PCDHA9: variants seen among roughly 807,000 people sequenced by gnomAD.
The protein encoded by PCDHA9 is protocadherin alpha 9.
Under a neutral mutation model 62.0 loss-of-function variants are expected in PCDHA9, and 62 were observed. The ratio of observed to expected loss-of-function variants is 1.00; its 90% CI spans 0.81 to 1.23. The LOEUF (loss-of-function observed/expected upper bound fraction) is 1.23. Ranked by LOEUF, PCDHA9 falls within the 50% of genes most tolerant of loss-of-function variation. The probability of loss-of-function intolerance (pLI) is 0.00; values close to 1 mark genes in which losing one functional copy is unlikely to be tolerated. For synonymous variants in PCDHA9, 557 were observed against 567.6 expected, an observed-to-expected ratio of 0.98 and a Z score of 0.27; for missense variants, 1,205 against 1,249.8, an observed-to-expected ratio of 0.96 and a Z score of 0.54.
chr5:140,883,231 G>A, intron 1 of PCDHA9: 1 of 1,613,930 alleles, frequency 6.2e-7, no homozygotes, highest in Non-Finnish European at 8.5e-7. Context: ...TATCCGTGGA[G>A]GCAGTTGACA....
At chr5:140,936,662 CT>C (rs1337986057) in intron 1 of PCDHA9, among the ~76,000 whole-genome samples, 1 of 152,178 alleles carries the variant, frequency 6.6e-6, no homozygotes, top group Non-Finnish European at 1.5e-5. Context: ...TATTCTGTTT[CT>C]GGACTGTCTA....
chr5:140,926,505 TC>T, intron 1 of PCDHA9: 1 of 190,688 alleles, frequency 5.2e-6, no homozygotes. Flanking sequence ...TCGGGGCGTC[TC>T]CCAGGCTCCG....
intron 1 of PCDHA9, chr5:140,871,045 G>C: frequency 6.2e-7 from 1 of 1,613,386 alleles, no homozygotes; most frequent in African/African-American, 1.3e-5. Context: ...CCGACTTCTA[G>C]TACTGGTGAA....
intron 1 of PCDHA9, among the ~76,000 whole-genome samples, chr5:140,934,289 T>C (rs1584800076): frequency 6.6e-6 from 1 of 152,138 alleles, no homozygotes; most frequent in East Asian, 1.9e-4. Flanking sequence ...AGGGCATTCT[T>C]ACTGGTATTT....
rs1220718510 is a variant in PCDHA9, at chr5:140,898,104, A to T, written c.2394+47215A>T. 2.0e-5 allele frequency among the ~76,000 whole-genome samples: 3 copies of T among 152,110 alleles called. No individual in the cohort carries two copies. In the South Asian group the frequency reaches 6.2e-4, roughly 32 times the overall value. On this transcript the variant is annotated intron_variant, in intron 1 of 3. Coordinates refer to ENST00000532602, the MANE Select transcript of PCDHA9 (RefSeq NM_031857.2). Reference sequence around the variant, plus strand: ...CTGGATATTAGCCCTTTGTCAGATGAGTAGGTTGCGAAAATTTTCTCCCAT... The same window carrying T: ...CTGGATATTAGCCCTTTGTCAGATGTGTAGGTTGCGAAAATTTTCTCCCAT...
Position 140,874,495 on chromosome 5 carries a change from G to A in PCDHA9, c.2394+23606G>A, listed in dbSNP as rs532074473. 2.0e-5 allele frequency among the ~76,000 whole-genome samples: 3 copies of A among 152,336 alleles called. No homozygotes were observed. The South Asian group carries it at 6.2e-4, about 32-fold the overall frequency. ...AGAAAAAGCAAAAGGTTGATATCAAGTTCACATTCTCTTGACTTTAGTCAA... is the reference window on the plus strand; with the variant it reads ...AGAAAAAGCAAAAGGTTGATATCAAATTCACATTCTCTTGACTTTAGTCAA... On this transcript the variant is annotated intron_variant, in intron 1 of 3. Coordinates refer to ENST00000532602, the MANE Select transcript of PCDHA9 (RefSeq NM_031857.2).
rs1169646324 is a variant in PCDHA9 at position 141,011,134 on chromosome 5, ATACACAACCT to A, written c.*1199_*1208del. The A allele has an allele frequency of 6.5e-6, 1 of 153,688 alleles. No homozygotes were observed. Among genetic ancestry groups the A allele is most frequent in the East Asian group, 1.9e-4 (1 of 5,194 alleles). The allele number at this position is 153,688 out of a possible 1,614,324, so 9.5% of individuals were successfully genotyped here. ...CTAAGAAACAATTATGTGCACTTTG[ATACACAACCT>A]TCTCTAACCAACTATATATCAAGAC... On this transcript the variant is annotated 3_prime_UTR_variant, in exon 4 of 4. Transcript: ENST00000532602.
chr5:140,883,263 G>T (rs562257406), intron 1 of PCDHA9: 2 of 1,613,988 alleles, frequency 1.2e-6, no homozygotes, highest in Admixed American at 1.7e-5. Flanking sequence ...CCAATGGCGG[G>T]TCATTGTACC....
chr5:140,948,517 C>A (rs2094265494), intron 1 of PCDHA9, among the ~76,000 whole-genome samples: 1 of 151,496 alleles, frequency 6.6e-6, no homozygotes. Flanking sequence ...AAAATGTTAA[C>A]ACTATTTATA....
At position 141,010,386 on chromosome 5, in the gene PCDHA9, T is replaced by C; in HGVS notation, c.*449T>C. On this transcript the variant is annotated 3_prime_UTR_variant, in exon 4 of 4. Coordinates refer to ENST00000532602, the MANE Select transcript of PCDHA9 (RefSeq NM_031857.2). ...GGGTATGCGAGTGCCAGATATTGGCTGAGACGAGCCAGCTTAGACTAATTG... is the reference window on the plus strand; with the variant it reads ...GGGTATGCGAGTGCCAGATATTGGCCGAGACGAGCCAGCTTAGACTAATTG... The C allele has an allele frequency of 7.1e-7, 1 of 1,413,970 alleles. No homozygotes were observed. The highest frequency in any genetic ancestry group is 9.4e-7 in the Non-Finnish European group (1 of 1,063,616). 87.6% of individuals were successfully genotyped at this position (1,413,970 alleles called of 1,614,324 possible). A position where few individuals can be genotyped will look rare whatever the true frequency, so the allele number is the denominator to read the frequency against.
intron 1 of PCDHA9, among the ~76,000 whole-genome samples, chr5:140,936,813 T>C (rs1299896116): frequency 6.6e-6 from 1 of 152,216 alleles, no homozygotes; most frequent in Non-Finnish European, 1.5e-5. Flanking sequence ...TTAGCTATTT[T>C]TGGCCCTTTG....
chr5:140,942,115 A>T (rs1440934670), intron 1 of PCDHA9, among the ~76,000 whole-genome samples: 2 of 152,232 alleles, frequency 1.3e-5, no homozygotes, highest in Non-Finnish European at 2.9e-5. Flanking sequence ...ATCAAACTTT[A>T]TTAAAGGTGA....
rs1554262721 is a variant in PCDHA9, at chr5:141,010,165, GA to G, written c.*230del. ...TTCTCTCCACTCTGGCTTGTTTTCA[GA>G]ACCTAAAAAGCAGACCCAAGTTTCC... On this transcript the variant is annotated 3_prime_UTR_variant, in exon 4 of 4. Coordinates refer to ENST00000532602, the MANE Select transcript of PCDHA9 (RefSeq NM_031857.2). The G allele has an allele frequency of 1.9e-6, 3 of 1,563,714 alleles. No homozygotes were observed.
chr5:140,900,420 GGC>G lies in PCDHA9; in HGVS notation c.2394+49532_2394+49533del, dbSNP rs1554189140. ...AGCCTCCCAAGTAGCTGGGATTATA[GGC>G]ACGTGCCACCACGGCCGGCTAATTT... On this transcript the variant is annotated intron_variant, in intron 1 of 3. Transcript: ENST00000532602. Among the ~76,000 whole-genome samples the G allele has an allele frequency of 7.9e-5, 12 of 152,256 alleles. No individual in the cohort carries two copies. The East Asian group carries it at 2.3e-3, about 30-fold the overall frequency.
chr5:140,979,306 C>T (rs1554240481), intron 2 of PCDHA9, among the ~76,000 whole-genome samples: 1 of 152,206 alleles, frequency 6.6e-6, no homozygotes, highest in African/African-American at 2.4e-5. Context: ...CTTCATCCCT[C>T]TCTACCTATG....
At chr5:140,976,794 A>T (rs1199342082) in intron 1 of PCDHA9, among the ~76,000 whole-genome samples, 1 of 152,230 alleles carries the variant, frequency 6.6e-6, no homozygotes, top group East Asian at 1.9e-4. Context: ...CTACGCTTTT[A>T]TGAATATCTG....
intron 1 of PCDHA9, chr5:140,861,590 GA>G: frequency 2.7e-6 from 1 of 372,284 alleles, no homozygotes; most frequent in South Asian, 2.5e-5. Flanking sequence ...ATGTGGAGGT[GA>G]AAGTGAAGAA....
At chr5:140,968,659 C>A (rs781863651) in intron 1 of PCDHA9, 6 of 1,614,160 alleles carry the variant, frequency 3.7e-6, no homozygotes, top group East Asian at 2.2e-5. Context: ...CTGACCTGGA[C>A]CTCTTTAAGG....
chr5:140,870,302 T>A (rs782099481), intron 1 of PCDHA9: 9 of 1,614,020 alleles, frequency 5.6e-6, no homozygotes, highest in South Asian at 4.4e-5. Flanking sequence ...GTGTCCACCT[T>A]CAAGAATTAC....
Sources: allele counts gnomAD v4.1 joint callset (sites outside exome capture counted in the v4.1 genomes callset), GRCh38; gene constraint gnomAD v4.1.1; transcripts MANE v1.5; gene names NCBI Gene and HGNC (gene_info 2026-07-23, HGNC 2026-07-21).